Variants in KIAA0232 observed in about 807,000 individuals in gnomAD.
KIAA0232 encodes uncharacterized protein KIAA0232.
Under a neutral mutation model 122.0 loss-of-function variants are expected in KIAA0232, and 27 were observed. The observed-to-expected ratio is 0.22, with a 90% CI of 0.16 to 0.31. The LOEUF (loss-of-function observed/expected upper bound fraction) is 0.31, where lower values mean the gene tolerates loss of function less well. Ranked by LOEUF, KIAA0232 falls within the 10% of genes least tolerant of loss-of-function variation. The pLI, the probability that KIAA0232 is intolerant of heterozygous loss-of-function variation, is 1.00. For synonymous variants in KIAA0232, 613 were observed against 587.6 expected, an observed-to-expected ratio of 1.04 and a Z score of -0.63; for missense variants, 1,551 against 1,634.2, an observed-to-expected ratio of 0.95 and a Z score of 0.88.
intron 2 of KIAA0232, among the ~76,000 whole-genome samples, chr4:6,818,570 T>G (rs1443837926): frequency 1.3e-5 from 2 of 151,934 alleles, no homozygotes; most frequent in African/African-American, 4.8e-5. Context: ...AAATCATGGA[T>G]AACACAAACT....
intron 3 of KIAA0232, among the ~76,000 whole-genome samples, chr4:6,834,659 C>A (rs1336197802): frequency 1.3e-5 from 2 of 151,984 alleles, no homozygotes; most frequent in African/African-American, 4.8e-5. Flanking sequence ...CAATTGGGTC[C>A]CTTGAAAAGG....
chr4:6,801,017 A>G (rs899538310), intron 1 of KIAA0232, among the ~76,000 whole-genome samples: 2 of 152,220 alleles, frequency 1.3e-5, no homozygotes, highest in Non-Finnish European at 2.9e-5. Flanking sequence ...TCATAGGATA[A>G]TTTGTAATTT....
intron 8 of KIAA0232, among the ~76,000 whole-genome samples, chr4:6,876,364 T>C (rs1331600830): frequency 6.6e-6 from 1 of 152,308 alleles, no homozygotes; most frequent in East Asian, 1.9e-4. Context: ...CAGGTGTGAA[T>C]AGAAGCTTGT....
intron 1 of KIAA0232, among the ~76,000 whole-genome samples, chr4:6,793,049 GTAGCCAGTC>G (rs1460137191): frequency 6.6e-6 from 1 of 152,112 alleles, no homozygotes; most frequent in Admixed American, 6.5e-5. Context: ...CACAAATTAT[GTAGCCAGTC>G]CTATGAAGAC....
At chr4:6,823,999 C>A (rs76588732) in intron 2 of KIAA0232, among the ~76,000 whole-genome samples, 186 bp from the exon 3 acceptor site, 2,872 of 152,050 alleles carry the variant, frequency 0.019, 66 homozygotes, top group Non-Finnish European at 0.023. Flanking sequence ...CAGGAAGGTA[C>A]CACAGTGCCT....
At chr4:6,842,996 C>T (rs1019301312) in intron 4 of KIAA0232, among the ~76,000 whole-genome samples, 7 of 152,158 alleles carry the variant, frequency 4.6e-5, no homozygotes, top group Admixed American at 4.6e-4. Context: ...GCAGTTCAAA[C>T]ACTTCAAAAG....
intron 1 of KIAA0232, among the ~76,000 whole-genome samples, chr4:6,785,415 T>G (rs558408915): frequency 3.1e-4 from 47 of 152,352 alleles, no homozygotes; most frequent in African/African-American, 9.9e-4. Flanking sequence ...GCATTTGACT[T>G]GGCAGTTAAT....
In KIAA0232 at chr4:6,863,523, A is replaced by G. The variant is rs549270762; in HGVS notation, c.3141A>G (p.Pro1047=). 23 of 1,614,130 alleles carry G rather than the reference A, an allele frequency of 1.4e-5. No homozygotes were observed. The highest frequency in any genetic ancestry group is 1.2e-4 in the Admixed American group (7 of 60,014). Residue 1047 remains proline (P), a synonymous_variant, in exon 7 of 10, where the codon CCA becomes CCG. Coordinates refer to ENST00000307659, the MANE Select transcript of KIAA0232 (RefSeq NM_014743.3). Reference sequence around the variant, plus strand: ...TTTCTTCCTTTGACTTAAGCAATCCATTTTCACAAGTTCTTCATGTAGAAT... The same window carrying G: ...TTTCTTCCTTTGACTTAAGCAATCCGTTTTCACAAGTTCTTCATGTAGAAT... ...YSFSSFDLSN[P]FSQVLHVECS... is the part of the protein sequence containing the mutation.
rs189634355 is a variant in KIAA0232 at position 6,864,449 on chromosome 4, A to G, written c.3801+266A>G. On this transcript the variant is annotated intron_variant, in intron 7 of 9. Transcript: ENST00000307659. ...ATTCCTATGTGTTGTCTTAAGATGC[A>G]TGTTATTGGCCGGGTGCAGTGGCTC... 2.3e-3 allele frequency among the ~76,000 whole-genome samples: 355 copies of G among 152,296 alleles called. 1 individual carries two copies. The highest frequency in any genetic ancestry group is 7.8e-3 in the African/African-American group (326 of 41,562).
At chr4:6,850,371 C>G (rs1030122188) in intron 4 of KIAA0232, among the ~76,000 whole-genome samples, 2 of 152,074 alleles carry the variant, frequency 1.3e-5, no homozygotes, top group Non-Finnish European at 2.9e-5. Flanking sequence ...TTTGTCTTTC[C>G]CATGCTTATT....
In KIAA0232 at chr4:6,864,057, C is replaced by G; in HGVS notation, c.3675C>G (p.Ser1225Arg). ...AATCCCTGGAAATAGATTTAGAAAG[C>G]TCAGAAGCAAATTGTAAAATAATGG... is the stretch of plus-strand genomic sequence containing the variant. ...MNESLEIDLE[S>R]SEANCKIMAQ... is the part of the protein sequence containing the mutation. The change falls in exon 7 of 10, where the codon AGC becomes AGG. Residue 1225 changes from serine (S) to arginine (R), a missense_variant. By Grantham distance (110) the Ser-to-Arg change is moderately radical. Coordinates refer to ENST00000307659, the MANE Select transcript of KIAA0232 (RefSeq NM_014743.3). 6.2e-7 allele frequency: 1 copy of G among 1,614,134 alleles called. No homozygotes were observed. Among genetic ancestry groups the G allele is most frequent in the Non-Finnish European group, 8.5e-7 (1 of 1,180,020 alleles).
intron 2 of KIAA0232, among the ~76,000 whole-genome samples, chr4:6,823,398 G>A (rs1309748633): frequency 1.3e-5 from 2 of 152,150 alleles, no homozygotes; most frequent in Non-Finnish European, 2.9e-5. Flanking sequence ...CCCACCAACA[G>A]TGTAAGAAGT....
At chr4:6,871,992 C>T (rs1047483560) in intron 8 of KIAA0232, among the ~76,000 whole-genome samples, 1 of 152,172 alleles carries the variant, frequency 6.6e-6, no homozygotes, top group East Asian at 1.9e-4. Flanking sequence ...AGAGAGTTGC[C>T]TGCACAGAGG....
In KIAA0232 at chr4:6,877,469, A is replaced by G. The variant is rs1721819568; in HGVS notation, c.4008+712A>G. 1.3e-5 allele frequency among the ~76,000 whole-genome samples: 2 copies of G among 152,276 alleles called. 1 individual carries two copies. Among genetic ancestry groups the G allele is most frequent in the South Asian group, 4.1e-4 (2 of 4,826 alleles). Reference sequence around the variant, plus strand: ...AGGGTTCTCCAGAGGGACAGAACTAATGGAATAGGTATATATATACACAAA... The same window carrying G: ...AGGGTTCTCCAGAGGGACAGAACTAGTGGAATAGGTATATATATACACAAA... On this transcript the variant is annotated intron_variant, in intron 9 of 9. Transcript: ENST00000307659.
chr4:6,867,863 G>A (rs144951403), intron 7 of KIAA0232, among the ~76,000 whole-genome samples: 30 of 152,326 alleles, frequency 2.0e-4, no homozygotes, highest in African/African-American at 7.0e-4. Context: ...TCCCAGTGTG[G>A]GGGACAGGCA....
At chr4:6,833,013 C>G (rs1311160658) in intron 3 of KIAA0232, among the ~76,000 whole-genome samples, 1 of 152,152 alleles carries the variant, frequency 6.6e-6, no homozygotes, top group Non-Finnish European at 1.5e-5. Flanking sequence ...AGACTCATCC[C>G]TTCTTCATTC....
At chr4:6,792,694 T>G (rs868208908) in intron 1 of KIAA0232, among the ~76,000 whole-genome samples, 29 of 122,834 alleles carry the variant, frequency 2.4e-4, no homozygotes, top group Non-Finnish European at 3.1e-4. Flanking sequence ...TTTTTTTTTT[T>G]GTTTTTTTTT....
intron 1 of KIAA0232, among the ~76,000 whole-genome samples, chr4:6,787,594 A>G (rs1716686486): frequency 1.3e-5 from 2 of 152,124 alleles, no homozygotes; most frequent in South Asian, 2.1e-4. Context: ...CCAGATTTTT[A>G]CCAGGTTTGC....
chr4:6,838,076 T>C (rs1326479468), intron 3 of KIAA0232, among the ~76,000 whole-genome samples: 1 of 152,206 alleles, frequency 6.6e-6, no homozygotes, highest in African/African-American at 2.4e-5. Flanking sequence ...ATTTCTAACC[T>C]GTAGTGTTGC....
Sources: allele counts gnomAD v4.1 joint callset (sites outside exome capture counted in the v4.1 genomes callset), GRCh38; gene constraint gnomAD v4.1.1; transcripts MANE v1.5; gene names NCBI Gene and HGNC (gene_info 2026-07-23, HGNC 2026-07-21).